The following CTNNA2 variants were observed in gnomAD, a reference collection of about 807,000 sequenced individuals.
CTNNA2 encodes catenin alpha-2.
A neutral mutation model predicts 101.0 loss-of-function variants in CTNNA2; 42 were observed. The observed-to-expected ratio is 0.42, with a 90% confidence interval of 0.32 to 0.54. CTNNA2 has a LOEUF of 0.54. Among genes scored for constraint, CTNNA2 ranks in the 20% least tolerant of loss-of-function variants. The pLI is 0.14. For missense variants in CTNNA2, 871 were observed against 1,223.1 expected (o/e 0.71, Z 4.29); for synonymous variants, 450 against 456.4 (o/e 0.99, Z 0.18).
chr2:79,488,443 G>A (rs189899065), intron 4 of CTNNA2, among the ~76,000 whole-genome samples: 166 of 151,416 alleles, frequency 1.1e-3, no homozygotes, highest in African/African-American at 3.8e-3. Context: ...TGGACAAAAA[G>A]TGTAGACTAG....
chr2:79,257,994 T>C (rs1674870742), intron 2 of CTNNA2, among the ~76,000 whole-genome samples: 2 of 152,174 alleles, frequency 1.3e-5, no homozygotes, highest in African/African-American at 4.8e-5. Context: ...CTCCAATTTC[T>C]GCCTCTGTCT....
chr2:79,747,913 AAAG>A (rs1671751367), intron 3 of CTNNA2, among the ~76,000 whole-genome samples: 1 of 152,240 alleles, frequency 6.6e-6, no homozygotes, highest in Non-Finnish European at 1.5e-5. Context: ...TGTCAAATTC[AAAG>A]AAGCATTACT....
At chr2:80,357,240 G>T (rs1452984649) in intron 7 of CTNNA2, among the ~76,000 whole-genome samples, 1,555 of 136,896 alleles carry the variant, frequency 0.011, 32 homozygotes, top group African/African-American at 0.04. Context: ...TTTTTTTTTT[G>T]TTTTTTTTTT....
At chr2:79,367,921 T>C (rs1027723978) in intron 3 of CTNNA2, among the ~76,000 whole-genome samples, 7 of 152,216 alleles carry the variant, frequency 4.6e-5, no homozygotes, top group African/African-American at 1.7e-4. Context: ...CATTTCTTTA[T>C]ATACTAGAGA....
chr2:80,349,584 C>T (rs1308212895), intron 7 of CTNNA2, among the ~76,000 whole-genome samples: 1 of 152,052 alleles, frequency 6.6e-6, no homozygotes, highest in Non-Finnish European at 1.5e-5. Context: ...CCAGGTCTCC[C>T]CTCAGTTTGT....
At chr2:80,049,928 A>G (rs1441085842) in intron 7 of CTNNA2, among the ~76,000 whole-genome samples, 2 of 152,094 alleles carry the variant, frequency 1.3e-5, no homozygotes, top group Non-Finnish European at 2.9e-5. Context: ...TCCCCTCTAA[A>G]GACCAACCTG....
At chr2:80,218,277 C>T (rs932280364) in intron 7 of CTNNA2, among the ~76,000 whole-genome samples, 1 of 152,190 alleles carries the variant, frequency 6.6e-6, no homozygotes, top group African/African-American at 2.4e-5. Flanking sequence ...GTTTGTGCCC[C>T]ATCTTATGGG....
intron 1 of CTNNA2, among the ~76,000 whole-genome samples, chr2:79,640,374 A>T (rs1323087805): frequency 6.6e-6 from 1 of 152,150 alleles, no homozygotes; most frequent in African/African-American, 2.4e-5. Context: ...AAAGTTACTC[A>T]TGTGGAAATC....
At chr2:80,585,789 C>CT (rs569599969) in intron 14 of CTNNA2, among the ~76,000 whole-genome samples, 2 of 152,136 alleles carry the variant, frequency 1.3e-5, no homozygotes, top group East Asian at 3.9e-4. Flanking sequence ...TATAGATAAC[C>CT]TTTTTTTAAA....
chr2:79,990,041 G>T (rs1692056631), intron 7 of CTNNA2, among the ~76,000 whole-genome samples: 2 of 152,184 alleles, frequency 1.3e-5, no homozygotes, highest in Admixed American at 1.3e-4. Flanking sequence ...GATTCTTCTA[G>T]CTGTGGGAAG....
chr2:79,677,077 A>T (rs1479628751), intron 2 of CTNNA2, among the ~76,000 whole-genome samples: 1 of 152,134 alleles, frequency 6.6e-6, no homozygotes, highest in Non-Finnish European at 1.5e-5. Context: ...CTACATCACC[A>T]CACCCAACTA....
At chr2:79,760,906 C>T (rs563816076) in intron 3 of CTNNA2, among the ~76,000 whole-genome samples, 3 of 151,124 alleles carry the variant, frequency 2.0e-5, no homozygotes, top group African/African-American at 4.9e-5. Flanking sequence ...CAGGGTGTTA[C>T]GTGTGCCCTC....
chr2:80,242,489 A>G (rs1671017155), intron 7 of CTNNA2, among the ~76,000 whole-genome samples: 1 of 152,270 alleles, frequency 6.6e-6, no homozygotes. Context: ...CTCCCACACT[A>G]CATATTTGTA....
At chr2:80,383,997 A>G (rs529192054) in intron 7 of CTNNA2, among the ~76,000 whole-genome samples, 8 of 152,294 alleles carry the variant, frequency 5.3e-5, no homozygotes, top group Admixed American at 3.9e-4. Flanking sequence ...AAAAAAGAAC[A>G]AGATCATGTT....
chr2:80,368,231 A>G (rs1255522935), intron 7 of CTNNA2, among the ~76,000 whole-genome samples: 1 of 152,162 alleles, frequency 6.6e-6, no homozygotes, highest in African/African-American at 2.4e-5. Flanking sequence ...ATCTGCAAAG[A>G]GAGATTATAA....
Position 79,923,327 on chromosome 2 carries a change from C to T in CTNNA2, c.1056+13530C>T, listed in dbSNP as rs182685456. On this transcript the variant is annotated intron_variant, in intron 7 of 18. Coordinates refer to ENST00000402739, the MANE Select transcript of CTNNA2 (RefSeq NM_001282597.3). ...ATTCCATAGGGGTTCAGTGCAGTGG[C>T]TCTGCCCTCAGCTAGCCATTTCTGT... 7.7e-3 allele frequency among the ~76,000 whole-genome samples: 1,168 copies of T among 152,186 alleles called. 11 individuals carry two copies. Among genetic ancestry groups the T allele is most frequent in the Non-Finnish European group, 0.013 (889 of 68,000 alleles).
At chr2:79,599,822 T>G (rs1677434861) in intron 1 of CTNNA2, among the ~76,000 whole-genome samples, 1 of 152,214 alleles carries the variant, frequency 6.6e-6, no homozygotes, top group South Asian at 2.1e-4. Context: ...CATTCGTACT[T>G]TGACTTCTTG....
At chr2:79,596,183 C>T (rs1216510732) in intron 1 of CTNNA2, among the ~76,000 whole-genome samples, 2 of 151,990 alleles carry the variant, frequency 1.3e-5, no homozygotes, top group Non-Finnish European at 2.9e-5. Flanking sequence ...TGGCTCTATG[C>T]ATTCCTATAT....
intron 2 of CTNNA2, among the ~76,000 whole-genome samples, chr2:79,715,111 G>A (rs1685993727): frequency 6.7e-6 from 1 of 150,096 alleles, no homozygotes; most frequent in African/African-American, 2.5e-5. Context: ...GGAGGCTGAG[G>A]CAGGAGAATC....
Sources: gnomAD v4.1 joint callset for allele counts (sites outside exome capture counted in the v4.1 genomes callset) on GRCh38, gnomAD v4.1.1 for gene constraint, MANE v1.5 for transcripts, NCBI Gene and HGNC (gene_info 2026-07-23, HGNC 2026-07-21) for gene names.